The following PSD4 variants were observed in gnomAD, a reference collection of about 807,000 sequenced individuals.
PSD4 encodes the protein pleckstrin and Sec7 domain containing 4.
PSD4 carries 59 observed loss-of-function variants against 112.5 expected under a neutral mutation model. The observed-to-expected ratio is 0.52, with a 90% confidence interval of 0.43 to 0.65. The LOEUF (loss-of-function observed/expected upper bound fraction) is 0.65, where lower values mean the gene tolerates loss of function less well. PSD4 is among the 30% of genes least tolerant of loss of function. PSD4 has a pLI of 0.00. For synonymous variants in PSD4, 533 were observed against 540.0 expected, an observed-to-expected ratio of 0.99 and a Z score of 0.18; for missense variants, 1,267 against 1,352.6, an observed-to-expected ratio of 0.94 and a Z score of 0.99.
intron 16 of PSD4, among the ~76,000 whole-genome samples, chr2:113,199,728 C>T (rs752613672): frequency 3.3e-5 from 5 of 152,188 alleles, no homozygotes; most frequent in Non-Finnish European, 4.4e-5. Context: ...GAAACTGAGG[C>T]ACAGAGAAAT....
intron 12 of PSD4, 22 bp from the exon 13 acceptor site, chr2:113,197,542 T>G: frequency 6.2e-7 from 1 of 1,613,648 alleles, no homozygotes; most frequent in Non-Finnish European, 8.5e-7. Flanking sequence ...CCTACAACAT[T>G]TGTGTTCTGT....
In PSD4 at chr2:113,206,940, T is replaced by TG. The variant is rs2104514294; in HGVS notation, c.*5525_*5526insG. On this transcript the variant is annotated 3_prime_UTR_variant, in exon 17 of 17. Coordinates refer to ENST00000245796, the MANE Select transcript of PSD4 (RefSeq NM_012455.3). ...AATAGCTGAATAATCTGTATCCAGG[T>TG]CAGGTGAGGCTTCATCTCGGGCTTC... is the stretch of plus-strand genomic sequence containing the variant. 1 of 152,268 alleles carries TG rather than the reference T, an allele frequency of 6.6e-6. No homozygotes were observed. The highest frequency in any genetic ancestry group is 2.1e-4 in the South Asian group (1 of 4,820). 9.4% of individuals were successfully genotyped at this position (152,268 alleles called of 1,614,324 possible).
In PSD4 at chr2:113,185,949, C is replaced by T. The variant is rs1448650097; in HGVS notation, c.1322C>T (p.Ala441Val). The T allele has an allele frequency of 6.2e-7, 1 of 1,613,906 alleles. No individual in the cohort carries two copies. Among genetic ancestry groups the T allele is most frequent in the East Asian group, 2.2e-5 (1 of 44,902 alleles). Residue 441 changes from alanine (A) to valine (V), a missense_variant, in exon 5 of 17, where the codon GCT becomes GTT. Transcript: ENST00000245796. Reference sequence around the variant, plus strand: ...GCCCCCTGCCCCTGGAGGAGCCCAGCTTCTTCTCCAGAGCCTAGCAGCCCA... The same window carrying T: ...GCCCCCTGCCCCTGGAGGAGCCCAGTTTCTTCTCCAGAGCCTAGCAGCCCA... The part of the protein sequence containing the change: ...TLAPCPWRSP[A>V]SSPEPSSPES...
At chr2:113,192,809 T>C (rs1328622317) in intron 6 of PSD4, among the ~76,000 whole-genome samples, 4 of 152,178 alleles carry the variant, frequency 2.6e-5, no homozygotes, top group Non-Finnish European at 5.9e-5. Flanking sequence ...CCCCACTGCC[T>C]TGCCAACCAG....
intron 1 of PSD4, among the ~76,000 whole-genome samples, chr2:113,175,974 C>T (rs45447495): frequency 0.02 from 3,059 of 152,258 alleles, 109 homozygotes; most frequent in African/African-American, 0.07. Flanking sequence ...GAAAAGGAAC[C>T]AGGTGGAGTT....
At chr2:113,193,812 T>C (rs1379361400) in intron 9 of PSD4, 47 bp from the exon 10 acceptor site, 4 of 1,592,050 alleles carry the variant, frequency 2.5e-6, no homozygotes, top group East Asian at 2.2e-5. Context: ...GTTATTCTAT[T>C]GGGATGGGGT....
chr2:113,198,813 C>T lies in PSD4; in HGVS notation c.2698C>T (p.Pro900Ser). Reference protein sequence around the residue: ...AAATHSAPPFPAAVGSQRRFV... With the variant: ...AAATHSAPPFSAAVGSQRRFV... ...GGCCACGCACTCCGCGCCGCCCTTC[C>T]CCGCCGCTGTGGGCTCCCAGCGCAG... The change falls in exon 15 of 17, where the codon CCC becomes TCC. Residue 900 changes from proline to serine, a missense_variant. Transcript: ENST00000245796. The T allele has an allele frequency of 1.3e-6, 2 of 1,594,004 alleles. No homozygotes were observed. The highest frequency in any genetic ancestry group is 1.7e-6 in the Non-Finnish European group (2 of 1,174,452).
In PSD4 at chr2:113,201,724, C is replaced by T. The variant is rs1454466170; in HGVS notation, c.*309C>T. The T allele has an allele frequency of 2.0e-5, 8 of 407,770 alleles. No homozygotes were observed. The East Asian group carries it at 2.4e-4, about 12-fold the overall frequency. 25.3% of individuals were successfully genotyped at this position (407,770 alleles called of 1,614,324 possible). On this transcript the variant is annotated 3_prime_UTR_variant, in exon 17 of 17. Coordinates refer to ENST00000245796, the MANE Select transcript of PSD4 (RefSeq NM_012455.3). ...CTCAGCCCATGTCACCCTCCAGGCC[C>T]CAGAATCCAGAGTGGCCTCATTTCC...
chr2:113,208,507 C>T lies in PSD4; in HGVS notation c.*7092C>T, dbSNP rs1245622199. On this transcript the variant is annotated 3_prime_UTR_variant, in exon 17 of 17. Transcript: ENST00000245796. ...GATTCTGCGATGGCTTGAGGTCATC[C>T]GTTTGCTTTGAAAGATCACACACCA... is the stretch of plus-strand genomic sequence containing the variant. 3.3e-5 allele frequency: 5 copies of T among 152,180 alleles called. No homozygotes were observed. Among genetic ancestry groups the T allele is most frequent in the East Asian group, 1.9e-4 (1 of 5,192 alleles). The allele number at this position is 152,180 out of a possible 1,614,324, so 9.4% of individuals were successfully genotyped here.
rs896935862 is a variant in PSD4, at chr2:113,204,471, T to G, written c.*3056T>G. The G allele has an allele frequency of 1.3e-5, 2 of 152,372 alleles. No homozygotes were observed. The highest frequency in any genetic ancestry group is 2.9e-5 in the Non-Finnish European group (2 of 68,146). The allele number at this position is 152,372 out of a possible 1,614,324, so 9.4% of individuals were successfully genotyped here. A position where few individuals can be genotyped will look rare whatever the true frequency, so the allele number is the denominator to read the frequency against. ...AACCACCACAGGCCTATGTCTGACC[T>G]TGTTCCCACCCCATGCTCCTCTCCC... On this transcript the variant is annotated 3_prime_UTR_variant, in exon 17 of 17. Coordinates refer to ENST00000245796, the MANE Select transcript of PSD4 (RefSeq NM_012455.3).
chr2:113,201,041 C>T, intron 16 of PSD4, 117 bp from the exon 17 acceptor site: 1 of 1,384,088 alleles, frequency 7.2e-7, no homozygotes, highest in Non-Finnish European at 9.9e-7. Context: ...AGCCCTCTTT[C>T]TGTCGAGGTC....
intron 1 of PSD4, among the ~76,000 whole-genome samples, chr2:113,174,700 T>G (rs1302870543): frequency 6.6e-6 from 1 of 152,176 alleles, no homozygotes; most frequent in Non-Finnish European, 1.5e-5. Flanking sequence ...TTAGGCCTGT[T>G]GTCCTGATGG....
At chr2:113,181,614 G>A (rs957749474) in intron 1 of PSD4, among the ~76,000 whole-genome samples, 1 of 152,176 alleles carries the variant, frequency 6.6e-6, no homozygotes, top group African/African-American at 2.4e-5. Flanking sequence ...AGAAGGCAGA[G>A]ATCTCCTCCC....
rs1296386317 is a variant in PSD4 at position 113,204,971 on chromosome 2, CTT to C, written c.*3569_*3570del. 18 of 144,406 alleles carry C rather than the reference CTT, an allele frequency of 1.2e-4. No homozygotes were observed. Among genetic ancestry groups the C allele is most frequent in the Admixed American group, 2.1e-4 (3 of 14,408 alleles). The allele number at this position is 144,406 out of a possible 1,614,324, so 8.9% of individuals were successfully genotyped here. On this transcript the variant is annotated 3_prime_UTR_variant, in exon 17 of 17. Coordinates refer to ENST00000245796, the MANE Select transcript of PSD4 (RefSeq NM_012455.3). ...GGCTTTTTGTGAATGTGCAGTGCAA[CTT>C]TTTTTTTTTTTTGAGACAGAGTCTC...
chr2:113,193,546 C>T (rs1296156385), intron 8 of PSD4, 46 bp from the exon 9 acceptor site: 4 of 1,583,942 alleles, frequency 2.5e-6, no homozygotes, highest in Non-Finnish European at 3.5e-6. Context: ...AAACAGGAGC[C>T]CTGGTTCCAA....
At chr2:113,187,910 A>C (rs780106930) in intron 5 of PSD4, among the ~76,000 whole-genome samples, 5 of 152,206 alleles carry the variant, frequency 3.3e-5, no homozygotes, top group Non-Finnish European at 7.3e-5. Flanking sequence ...AAGCTAACAG[A>C]AAAGTGTAAG....
In PSD4 at chr2:113,193,572, C is replaced by T. The variant is rs199613666; in HGVS notation, c.2033-20C>T. ...CTGGTTCCAATGAGCTTTCTCTCCA[C>T]TTACCTATCTCTGGGGTAGATTCTG... On this transcript the variant is annotated intron_variant, in intron 8 of 16. Coordinates refer to ENST00000245796, the MANE Select transcript of PSD4 (RefSeq NM_012455.3). 5.3e-5 allele frequency: 86 copies of T among 1,609,538 alleles called. 1 individual carries two copies. The Admixed American group carries it at 1.1e-3, about 20-fold the overall frequency.
At chr2:113,176,669 C>G (rs45534534) in intron 1 of PSD4, among the ~76,000 whole-genome samples, 1 of 152,334 alleles carries the variant, frequency 6.6e-6, no homozygotes, top group Non-Finnish European at 1.5e-5. Context: ...AATTCCTTTC[C>G]TTCTGCTTTC....
At chr2:113,200,188 C>T (rs1308893851) in intron 16 of PSD4, among the ~76,000 whole-genome samples, 1 of 152,192 alleles carries the variant, frequency 6.6e-6, no homozygotes, top group Non-Finnish European at 1.5e-5. Flanking sequence ...CTCCCCCAAC[C>T]CTCACCCATC....
Sources: gnomAD v4.1 joint callset for allele counts (sites outside exome capture counted in the v4.1 genomes callset) on GRCh38, gnomAD v4.1.1 for gene constraint, MANE v1.5 for transcripts, NCBI Gene and HGNC (gene_info 2026-07-23, HGNC 2026-07-21) for gene names.